Variants in DR1 observed in about 807,000 individuals in gnomAD.
The protein encoded by DR1 is protein Dr1.
In DR1, 7 loss-of-function variants were observed where a neutral mutation model predicts 19.9. The observed-to-expected ratio is 0.35, with a 90% CI of 0.20 to 0.66. DR1 has a LOEUF of 0.66. DR1 is among the 30% of genes least tolerant of loss of function. The probability of loss-of-function intolerance (pLI) is 0.66; values close to 1 mark genes in which losing one functional copy is unlikely to be tolerated. For synonymous variants in DR1, 76 were observed against 72.5 expected (o/e 1.05, Z -0.24); for missense variants, 98 against 203.7 (o/e 0.48, Z 3.16).
chr1:93,351,268 A>G (rs993114620), intron 1 of DR1, among the ~76,000 whole-genome samples: 3 of 152,046 alleles, frequency 2.0e-5, no homozygotes, highest in East Asian at 3.9e-4. Flanking sequence ...TGTTGAGAGT[A>G]TAGTTTTTAC....
intron 1 of DR1, among the ~76,000 whole-genome samples, chr1:93,350,523 A>T (rs1557745179): frequency 6.6e-6 from 1 of 152,230 alleles, no homozygotes; most frequent in Non-Finnish European, 1.5e-5. Flanking sequence ...TGTTTTATGC[A>T]TATGAAGTAT....
rs971237576 is a variant in DR1, at chr1:93,367,495, G to A, written c.*6856G>A. The A allele has an allele frequency of 6.6e-6, 1 of 152,124 alleles. No homozygotes were observed. The highest frequency in any genetic ancestry group is 1.5e-5 in the Non-Finnish European group (1 of 68,036). 9.4% of individuals were successfully genotyped at this position (152,124 alleles called of 1,614,324 possible). On this transcript the variant is annotated 3_prime_UTR_variant, in exon 3 of 3. Transcript: ENST00000370272. ...TCCCAGCAGCTCAGGGAGCAAAGTGGGAGCCAACCCTGGACAGGATGCCTT... is the reference window on the plus strand; with the variant it reads ...TCCCAGCAGCTCAGGGAGCAAAGTGAGAGCCAACCCTGGACAGGATGCCTT...
At chr1:93,360,388 A>G (rs1570713588) in intron 2 of DR1, 105 bp from the exon 3 acceptor site, 3 of 1,041,238 alleles carry the variant, frequency 2.9e-6, no homozygotes, top group Non-Finnish European at 4.0e-6. Flanking sequence ...GTATCCAAGT[A>G]TGATAATAAA....
intron 2 of DR1, among the ~76,000 whole-genome samples, chr1:93,356,676 A>G (rs1353392889): frequency 6.6e-6 from 1 of 151,932 alleles, no homozygotes; most frequent in Admixed American, 6.6e-5. Context: ...ATGTTGGTTG[A>G]ATTTATGTAT....
intron 1 of DR1, among the ~76,000 whole-genome samples, chr1:93,352,567 A>G (rs1284545804): frequency 1.3e-5 from 2 of 152,230 alleles, no homozygotes; most frequent in African/African-American, 4.8e-5. Context: ...TCTAAAAACC[A>G]CAGTTTGCAT....
chr1:93,356,672 G>T (rs1049667893), intron 2 of DR1, among the ~76,000 whole-genome samples: 2 of 151,462 alleles, frequency 1.3e-5, no homozygotes, highest in African/African-American at 4.9e-5. Context: ...GCTTATGTTG[G>T]TTGAATTTAT....
Position 93,346,795 on chromosome 1 carries a change from A to G in DR1, c.150A>G (p.Ile50Met). 1.9e-6 allele frequency: 3 copies of G among 1,614,058 alleles called. No homozygotes were observed. Among genetic ancestry groups the G allele is most frequent in the Non-Finnish European group, 1.7e-6 (2 of 1,180,012 alleles). ...GCTGCACTGAATTCATTCACCTTATATCTTCTGAAGCCAATGAGATTTGTA... is the reference window on the plus strand; with the variant it reads ...GCTGCACTGAATTCATTCACCTTATGTCTTCTGAAGCCAATGAGATTTGTA... ...VNCCTEFIHLISSEANEICNK... is the reference protein window; with the variant it reads ...VNCCTEFIHLMSSEANEICNK... Residue 50 changes from isoleucine to methionine, a missense_variant, in exon 1 of 3, where the codon ATA becomes ATG. Coordinates refer to ENST00000370272, the MANE Select transcript of DR1 (RefSeq NM_001938.3).
At chr1:93,355,655 C>T (rs1402091011) in intron 2 of DR1, 1 of 152,172 alleles carries the variant, frequency 6.6e-6, no homozygotes. Flanking sequence ...TCTGTCTTCA[C>T]CTTTCTATCC....
Position 93,361,583 on chromosome 1 carries a change from A to G in DR1, c.*944A>G, listed in dbSNP as rs1180952294. On this transcript the variant is annotated 3_prime_UTR_variant, in exon 3 of 3. Coordinates refer to ENST00000370272, the MANE Select transcript of DR1 (RefSeq NM_001938.3). Reference sequence around the variant, plus strand: ...GCTTGCTATGAGAGAGGGATTTTTAATTTAACTTGTAGTTATAGTTTACTT... The same window carrying G: ...GCTTGCTATGAGAGAGGGATTTTTAGTTTAACTTGTAGTTATAGTTTACTT... 1 of 152,546 alleles carries G rather than the reference A, an allele frequency of 6.6e-6. No individual in the cohort carries two copies. The highest frequency in any genetic ancestry group is 1.5e-5 in the Non-Finnish European group (1 of 67,950). 9.4% of individuals were successfully genotyped at this position (152,546 alleles called of 1,614,324 possible).
intron 2 of DR1, among the ~76,000 whole-genome samples, chr1:93,357,753 A>G (rs1667006638): frequency 6.6e-6 from 1 of 152,014 alleles, no homozygotes; most frequent in Admixed American, 6.6e-5. Context: ...CTTTCCCCCA[A>G]GGTAATAGCT....
rs142523668 is a variant in DR1 at position 93,355,266 on chromosome 1, C to A, written c.384+1195C>A. ...AAAAATAGACTCAGAGGCGGAAAAACTTCCTTGAAATTGTTTGTCATTTGT... is the reference window on the plus strand; with the variant it reads ...AAAAATAGACTCAGAGGCGGAAAAAATTCCTTGAAATTGTTTGTCATTTGT... On this transcript the variant is annotated intron_variant, in intron 2 of 2. Coordinates refer to ENST00000370272, the MANE Select transcript of DR1 (RefSeq NM_001938.3). 2.3e-3 allele frequency: 346 copies of A among 152,202 alleles called. 4 individuals carry two copies. Among genetic ancestry groups the A allele is most frequent in the African/African-American group, 7.9e-3 (330 of 41,542 alleles). The allele number at this position is 152,202 out of a possible 1,614,324, so 9.4% of individuals were successfully genotyped here. A position where few individuals can be genotyped will look rare whatever the true frequency, so the allele number is the denominator to read the frequency against.
chr1:93,352,542 A>G (rs1267911883), intron 1 of DR1, among the ~76,000 whole-genome samples: 1 of 152,248 alleles, frequency 6.6e-6, no homozygotes, highest in Non-Finnish European at 1.5e-5. Flanking sequence ...TTAAAGTTGT[A>G]AATCATTCAA....
At chr1:93,348,469 A>C (rs1666880171) in intron 1 of DR1, among the ~76,000 whole-genome samples, 1 of 152,144 alleles carries the variant, frequency 6.6e-6, no homozygotes. Flanking sequence ...ATTTGTTTAC[A>C]CTACAGAAGT....
At chr1:93,350,201 T>A (rs1210114535) in intron 1 of DR1, among the ~76,000 whole-genome samples, 2 of 152,178 alleles carry the variant, frequency 1.3e-5, no homozygotes, top group Non-Finnish European at 2.9e-5. Flanking sequence ...TTATTTGGCA[T>A]CATGCTAGGT....
intron 2 of DR1, among the ~76,000 whole-genome samples, chr1:93,356,692 T>A (rs551477480): frequency 6.6e-6 from 1 of 151,796 alleles, no homozygotes; most frequent in African/African-American, 2.4e-5. Context: ...TGTATTTGAT[T>A]TGCCCTGCAA....
rs978898142 is a variant in DR1, at chr1:93,346,551, C to G, written c.-95C>G. 1 of 1,057,490 alleles carries G rather than the reference C, an allele frequency of 9.5e-7. No individual in the cohort carries two copies. Among genetic ancestry groups the G allele is most frequent in the Non-Finnish European group, 1.4e-6 (1 of 709,644 alleles). The allele number at this position is 1,057,490 out of a possible 1,614,324, so 65.5% of individuals were successfully genotyped here. A position where few individuals can be genotyped will look rare whatever the true frequency, so the allele number is the denominator to read the frequency against. On this transcript the variant is annotated 5_prime_UTR_variant, in exon 1 of 3. Coordinates refer to ENST00000370272, the MANE Select transcript of DR1 (RefSeq NM_001938.3). ...CTTCGCAAAGCACCCCCCGGGATCA[C>G]TCTCCGAGGGCGACTTTTTGAGAAA...
intron 1 of DR1, among the ~76,000 whole-genome samples, chr1:93,349,978 A>T (rs1334646917): frequency 6.6e-6 from 1 of 152,166 alleles, no homozygotes; most frequent in African/African-American, 2.4e-5. Context: ...TAAAGCCTAA[A>T]CCAGTCTCTG....
At chr1:93,354,558 T>G (rs1426669140) in intron 2 of DR1, among the ~76,000 whole-genome samples, 1 of 152,176 alleles carries the variant, frequency 6.6e-6, no homozygotes, top group East Asian at 1.9e-4. Context: ...TTGTAATAAT[T>G]CTAATATCTA....
rs1405893869 is a variant in DR1 at position 93,362,945 on chromosome 1, A to G, written c.*2306A>G. On this transcript the variant is annotated 3_prime_UTR_variant, in exon 3 of 3. Transcript: ENST00000370272. ...AAAATCTTCAGCGTTCTTGAGAAATAAAATTATTGTTCAGTAAGTATTTTT... is the reference window on the plus strand; with the variant it reads ...AAAATCTTCAGCGTTCTTGAGAAATGAAATTATTGTTCAGTAAGTATTTTT... 1.3e-5 allele frequency: 2 copies of G among 150,792 alleles called. No homozygotes were observed. Among genetic ancestry groups the G allele is most frequent in the African/African-American group, 4.9e-5 (2 of 41,090 alleles). 9.3% of individuals were successfully genotyped at this position (150,792 alleles called of 1,614,324 possible).
Sources: gnomAD v4.1 joint callset for allele counts (sites outside exome capture counted in the v4.1 genomes callset) on GRCh38, gnomAD v4.1.1 for gene constraint, MANE v1.5 for transcripts, NCBI Gene and HGNC (gene_info 2026-07-23, HGNC 2026-07-21) for gene names.